The following FHIT variants were observed in gnomAD, a reference collection of about 807,000 sequenced individuals.
The protein encoded by FHIT is fragile histidine triad diadenosine triphosphatase.
A neutral mutation model predicts 17.9 loss-of-function variants in FHIT; 19 were observed. The observed-to-expected ratio is 1.06, with a 90% confidence interval of 0.74 to 1.56. FHIT has a LOEUF of 1.56. Among genes scored for constraint, FHIT ranks in the 40% most tolerant of loss-of-function variants. The probability of loss-of-function intolerance (pLI) is 0.00; values close to 1 mark genes in which losing one functional copy is unlikely to be tolerated. For missense variants in FHIT, 248 were observed against 189.2 expected, an observed-to-expected ratio of 1.31 and a Z score of -1.82; for synonymous variants, 81 against 69.7, an observed-to-expected ratio of 1.16 and a Z score of -0.81.
At chr3:61,039,636 A>G (rs2033412004) in intron 3 of FHIT, among the ~76,000 whole-genome samples, 1 of 152,116 alleles carries the variant, frequency 6.6e-6, no homozygotes, top group Non-Finnish European at 1.5e-5. Flanking sequence ...TCTCTCTCAT[A>G]AGTGGGAGTT....
chr3:60,784,219 T>G (rs1278845122), intron 4 of FHIT, among the ~76,000 whole-genome samples: 1 of 152,116 alleles, frequency 6.6e-6, no homozygotes, highest in East Asian at 1.9e-4. Context: ...CTGGTGAGAG[T>G]TACATCATTC....
In FHIT at chr3:61,002,259, C is replaced by A. The variant is rs534888651; in HGVS notation, c.-111+39788G>T. On this transcript the variant is annotated intron_variant, in intron 3 of 9. Coordinates refer to ENST00000492590, the MANE Select transcript of FHIT (RefSeq NM_002012.4). ...CCTCCTGACTAACTGCAAATTTGTA[C>A]CCTGGTTTTTGCTTTTATTTTTGAG... Among the ~76,000 whole-genome samples, 3 of 152,168 alleles carry A rather than the reference C, an allele frequency of 2.0e-5. No individual in the cohort carries two copies. In the East Asian group the frequency reaches 5.8e-4, roughly 29 times the overall value.
At chr3:60,914,612 T>A (rs1483764970) in intron 3 of FHIT, among the ~76,000 whole-genome samples, 1 of 152,110 alleles carries the variant, frequency 6.6e-6, no homozygotes, top group Non-Finnish European at 1.5e-5. Context: ...TGAATGAGTA[T>A]CTGCATGTTC....
At chr3:60,055,353 A>G (rs1281425656) in intron 5 of FHIT, among the ~76,000 whole-genome samples, 6 of 152,152 alleles carry the variant, frequency 3.9e-5, no homozygotes, top group South Asian at 2.1e-4. Context: ...TCCTACATAC[A>G]TGGATGAGAA....
At chr3:59,992,230 C>G (rs1016419950) in intron 7 of FHIT, among the ~76,000 whole-genome samples, 2 of 151,948 alleles carry the variant, frequency 1.3e-5, no homozygotes, top group African/African-American at 4.8e-5. Context: ...TAAACCTAAC[C>G]AAATGAGAAG....
chr3:61,023,349 C>G (rs1183519763), intron 3 of FHIT, among the ~76,000 whole-genome samples: 1 of 151,852 alleles, frequency 6.6e-6, no homozygotes, highest in Admixed American at 6.6e-5. Context: ...AGAGAGGACA[C>G]AAAAAAATGG....
At chr3:60,755,344 T>C (rs993163191) in intron 4 of FHIT, among the ~76,000 whole-genome samples, 3 of 152,180 alleles carry the variant, frequency 2.0e-5, no homozygotes, top group African/African-American at 4.8e-5. Flanking sequence ...TCCCATCCCA[T>C]TGCTGTCAGG....
intron 5 of FHIT, among the ~76,000 whole-genome samples, chr3:60,227,231 G>T (rs934538574): frequency 2.0e-5 from 3 of 152,114 alleles, no homozygotes; most frequent in Non-Finnish European, 1.5e-5. Flanking sequence ...ATTGGAAAAT[G>T]ACTTTTACCA....
At chr3:60,780,188 T>G (rs187746924) in intron 4 of FHIT, among the ~76,000 whole-genome samples, 2 of 152,208 alleles carry the variant, frequency 1.3e-5, no homozygotes, top group East Asian at 1.9e-4. Flanking sequence ...CCCTTTCAAA[T>G]GCATCCTGAA....
At chr3:61,039,166 T>C (rs1414888769) in intron 3 of FHIT, among the ~76,000 whole-genome samples, 6 of 152,172 alleles carry the variant, frequency 3.9e-5, no homozygotes, top group Non-Finnish European at 8.8e-5. Context: ...GATGTAATCA[T>C]GAAAGACACT....
chr3:60,407,067 A>ATTTTTTTTTTTTTTTT (rs34542104), intron 5 of FHIT, among the ~76,000 whole-genome samples: 1 of 62,878 alleles, frequency 1.6e-5, no homozygotes, highest in African/African-American at 7.0e-5. Context: ...CCTGCCAATA[A>ATTTTTTTTTTTTTTTT]TTTTTTTTTT....
At chr3:60,878,094 T>C (rs1352675106) in intron 3 of FHIT, among the ~76,000 whole-genome samples, 1 of 152,128 alleles carries the variant, frequency 6.6e-6, no homozygotes, top group African/African-American at 2.4e-5. Flanking sequence ...ACTCTGCTTC[T>C]TTCCCAGAGC....
rs1576041350 is a variant in FHIT at position 61,115,536 on chromosome 3, T to G, written c.-163-73437A>C. Reference sequence around the variant, plus strand: ...GGAAAATGAACAAATGCCAGATATATTCAGCAGATAAAATAGAAATAAGCT... The same window carrying G: ...GGAAAATGAACAAATGCCAGATATAGTCAGCAGATAAAATAGAAATAAGCT... On this transcript the variant is annotated intron_variant, in intron 2 of 9. Coordinates refer to ENST00000492590, the MANE Select transcript of FHIT (RefSeq NM_002012.4). Among the ~76,000 whole-genome samples the G allele has an allele frequency of 4.6e-5, 7 of 152,148 alleles. 1 individual carries two copies. The highest frequency in any genetic ancestry group is 4.6e-4 in the Admixed American group (7 of 15,280).
chr3:60,348,852 G>C (rs906241074), intron 5 of FHIT, among the ~76,000 whole-genome samples: 28 of 152,324 alleles, frequency 1.8e-4, no homozygotes, highest in African/African-American at 6.3e-4. Context: ...GCCAGGGATA[G>C]CCTGCTGGCG....
intron 8 of FHIT, among the ~76,000 whole-genome samples, chr3:59,846,303 A>C (rs1701717609): frequency 6.6e-6 from 1 of 152,118 alleles, no homozygotes; most frequent in Non-Finnish European, 1.5e-5. Context: ...ATTATATTTA[A>C]CATCCTGAAG....
chr3:60,499,686 G>GT (rs1461341235), intron 5 of FHIT, among the ~76,000 whole-genome samples: 2 of 152,226 alleles, frequency 1.3e-5, no homozygotes, highest in East Asian at 3.9e-4. Context: ...GCCTCTCTGT[G>GT]TTTTTTTAAA....
intron 5 of FHIT, among the ~76,000 whole-genome samples, chr3:60,278,071 C>T (rs906246555): frequency 1.3e-5 from 2 of 152,056 alleles, no homozygotes; most frequent in Non-Finnish European, 2.9e-5. Context: ...ACAGAAGGAC[C>T]TAGGAACTGA....
intron 4 of FHIT, among the ~76,000 whole-genome samples, chr3:60,587,314 A>C (rs1465836038): frequency 6.6e-6 from 1 of 152,002 alleles, no homozygotes; most frequent in African/African-American, 2.4e-5. Context: ...GAACACATGA[A>C]CACTGGGAGG....
At chr3:61,096,526 G>C (rs1464135347) in intron 2 of FHIT, among the ~76,000 whole-genome samples, 1 of 152,174 alleles carries the variant, frequency 6.6e-6, no homozygotes, top group Non-Finnish European at 1.5e-5. Context: ...AGAGGTAGGG[G>C]ATGGATCTAG....
Sources: allele counts gnomAD v4.1 joint callset (sites outside exome capture counted in the v4.1 genomes callset), GRCh38; gene constraint gnomAD v4.1.1; transcripts MANE v1.5; gene names NCBI Gene and HGNC (gene_info 2026-07-23, HGNC 2026-07-21).